PDE4D: variants seen among roughly 807,000 people sequenced by gnomAD.
PDE4D encodes the protein phosphodiesterase 4D.
A neutral mutation model predicts 87.4 loss-of-function variants in PDE4D; 24 were observed. The observed-to-expected ratio is 0.27, with a 90% CI of 0.20 to 0.39. PDE4D has a LOEUF of 0.39. Ranked by LOEUF, PDE4D falls within the 10% of genes least tolerant of loss-of-function variation. The pLI is 1.00. For missense variants in PDE4D, 714 were observed against 1,041.0 expected (o/e 0.69, Z 4.32); for synonymous variants, 384 against 383.2 (o/e 1.00, Z -0.02).
chr5:59,353,469 C>T (rs1027390615), intron 1 of PDE4D, among the ~76,000 whole-genome samples: 3 of 151,862 alleles, frequency 2.0e-5, no homozygotes, highest in Admixed American at 1.3e-4. Flanking sequence ...TTGGGAGGGG[C>T]GTTGCTCTAA....
intron 1 of PDE4D, among the ~76,000 whole-genome samples, chr5:59,376,033 G>A (rs1412198511): frequency 6.6e-6 from 1 of 152,024 alleles, no homozygotes; most frequent in Non-Finnish European, 1.5e-5. Flanking sequence ...TGAAGGAACA[G>A]CCCTCAAAAA....
chr5:60,024,980 A>G (rs1423691098), intron 2 of PDE4D, among the ~76,000 whole-genome samples: 1 of 152,140 alleles, frequency 6.6e-6, no homozygotes, highest in Non-Finnish European at 1.5e-5. Context: ...GGCAAGGGAT[A>G]GTTTGGTGGA....
At chr5:59,718,387 G>T (rs188664941) in intron 1 of PDE4D, among the ~76,000 whole-genome samples, 171 of 152,146 alleles carry the variant, frequency 1.1e-3, no homozygotes, top group Admixed American at 2.9e-3. Flanking sequence ...CTAGTAAGCT[G>T]GTGAACACCT....
chr5:59,844,602 A>T (rs1326193195), intron 1 of PDE4D, among the ~76,000 whole-genome samples: 1 of 152,008 alleles, frequency 6.6e-6, no homozygotes, highest in Non-Finnish European at 1.5e-5. Flanking sequence ...GGCCTCCTTC[A>T]TATATCTGGT....
At chr5:59,306,714 A>T (rs1232389377) in intron 1 of PDE4D, among the ~76,000 whole-genome samples, 2 of 149,746 alleles carry the variant, frequency 1.3e-5, no homozygotes, top group East Asian at 4.0e-4. Context: ...AAAAGAGGAT[A>T]CAAACAAATG....
At chr5:59,774,483 A>G (rs1561642507) in intron 1 of PDE4D, among the ~76,000 whole-genome samples, 1 of 152,202 alleles carries the variant, frequency 6.6e-6, no homozygotes, top group East Asian at 1.9e-4. Context: ...TTTACATGAC[A>G]GCTATATTTT....
intron 1 of PDE4D, among the ~76,000 whole-genome samples, chr5:60,407,342 G>A (rs762536364): frequency 8.6e-5 from 13 of 151,302 alleles, no homozygotes; most frequent in East Asian, 3.9e-4. Context: ...ACCTGGATCC[G>A]CGCAGTCACA....
intron 2 of PDE4D, among the ~76,000 whole-genome samples, chr5:60,064,500 T>C (rs1250571519): frequency 6.6e-6 from 1 of 152,106 alleles, no homozygotes; most frequent in African/African-American, 2.4e-5. Context: ...GCATTAATGA[T>C]AGGTGCAGGC....
At chr5:58,994,413 G>A (rs1748672029) in intron 6 of PDE4D, among the ~76,000 whole-genome samples, 1 of 151,932 alleles carries the variant, frequency 6.6e-6, no homozygotes, top group South Asian at 2.1e-4. Context: ...ACCCGACGAG[G>A]CCTTTTAATA....
chr5:59,446,685 T>TCC (rs963129527), intron 1 of PDE4D, among the ~76,000 whole-genome samples: 2 of 152,202 alleles, frequency 1.3e-5, no homozygotes, highest in Non-Finnish European at 2.9e-5. Context: ...AATGGCAATA[T>TCC]CCTTGAGATA....
intron 2 of PDE4D, among the ~76,000 whole-genome samples, chr5:60,060,327 G>C (rs1301293111): frequency 6.6e-6 from 1 of 152,026 alleles, no homozygotes; most frequent in Non-Finnish European, 1.5e-5. Flanking sequence ...AATTACAGCA[G>C]AGCTTTGTAA....
At chr5:60,384,835 T>C (rs535418939) in intron 1 of PDE4D, among the ~76,000 whole-genome samples, 28 of 152,310 alleles carry the variant, frequency 1.8e-4, no homozygotes, top group Middle Eastern at 3.4e-3. Context: ...ACACTGTCCA[T>C]GGAAATACCT....
Position 59,345,921 on chromosome 5 carries a change from T to C in PDE4D, c.456-129953A>G, listed in dbSNP as rs541435782. Among the ~76,000 whole-genome samples, 6 of 152,264 alleles carry C rather than the reference T, an allele frequency of 3.9e-5. No individual in the cohort carries two copies. In the East Asian group the frequency reaches 9.7e-4, roughly 25 times the overall value. ...TTTGTTTACTAAGTGATATATCCAA[T>C]AATGTTCATAATGGCTCTAATTCAT... On this transcript the variant is annotated intron_variant, in intron 1 of 14. Transcript: ENST00000340635.
chr5:60,487,260 A>G (rs1195710398), intron 1 of PDE4D, among the ~76,000 whole-genome samples: 1 of 152,000 alleles, frequency 6.6e-6, no homozygotes, highest in Non-Finnish European at 1.5e-5. Flanking sequence ...CAATCCACAT[A>G]CTTTCTTCTG....
At chr5:59,294,135 T>C (rs1768584981) in intron 1 of PDE4D, among the ~76,000 whole-genome samples, 1 of 152,182 alleles carries the variant, frequency 6.6e-6, no homozygotes, top group Admixed American at 6.6e-5. Context: ...GGAAACTTAA[T>C]GTTGACCAGT....
chr5:60,348,786 C>T (rs1758946760), intron 1 of PDE4D, among the ~76,000 whole-genome samples: 1 of 151,898 alleles, frequency 6.6e-6, no homozygotes, highest in Admixed American at 6.6e-5. Context: ...ACAGAAAATG[C>T]ATACTTTAAC....
rs1583230102 is a variant in PDE4D, at chr5:60,257,276, G to A, written c.-89-71589C>T. Among the ~76,000 whole-genome samples, 3 of 150,652 alleles carry A rather than the reference G, an allele frequency of 2.0e-5. No homozygotes were observed. In the South Asian group the frequency reaches 6.3e-4, roughly 32 times the overall value. ...AGAAAAGAAAAGAAAGAGAGAAAGA[G>A]AAAAAAGAAAACACAACAAAATCAT... On this transcript the variant is annotated intron_variant, in intron 1 of 16. Coordinates refer to the PDE4D transcript ENST00000502484.
chr5:59,137,794 G>A (rs1777326767), intron 5 of PDE4D, among the ~76,000 whole-genome samples: 1 of 152,198 alleles, frequency 6.6e-6, no homozygotes, highest in Admixed American at 6.5e-5. Flanking sequence ...CCAAAGTGCT[G>A]GGATTACAGG....
At chr5:59,013,379 A>T (rs149231776) in intron 6 of PDE4D, among the ~76,000 whole-genome samples, 5,699 of 152,292 alleles carry the variant, frequency 0.037, 166 homozygotes, top group Non-Finnish European at 0.056. Flanking sequence ...TTTTGAAAAG[A>T]TCAACAAAAT....
Sources: allele counts gnomAD v4.1 joint callset (sites outside exome capture counted in the v4.1 genomes callset), GRCh38; gene constraint gnomAD v4.1.1; transcripts MANE v1.5; gene names NCBI Gene and HGNC (gene_info 2026-07-23, HGNC 2026-07-21).